EEFSEC: variants seen among roughly 807,000 people sequenced by gnomAD.
EEFSEC encodes the protein selenocysteine-specific elongation factor.
EEFSEC carries 43 observed loss-of-function variants against 42.1 expected under a neutral mutation model. The observed-to-expected ratio is 1.02, with a 90% confidence interval of 0.80 to 1.32. The LOEUF is 1.32. Among genes scored for constraint, EEFSEC ranks in the 40% most tolerant of loss-of-function variants. The pLI, the probability that EEFSEC is intolerant of heterozygous loss-of-function variation, is 0.00. For synonymous variants in EEFSEC, 354 were observed against 339.1 expected, an observed-to-expected ratio of 1.04 and a Z score of -0.48; for missense variants, 745 against 803.6, an observed-to-expected ratio of 0.93 and a Z score of 0.88.
intron 1 of EEFSEC, among the ~76,000 whole-genome samples, chr3:128,213,434 C>T (rs1405155700): frequency 6.6e-6 from 1 of 152,192 alleles, no homozygotes; most frequent in Non-Finnish European, 1.5e-5. Context: ...CTTGTCTGTA[C>T]CTGAAGAATT....
At chr3:128,246,228 ACG>A (rs542173007) in intron 1 of EEFSEC, among the ~76,000 whole-genome samples, 699 of 45,298 alleles carry the variant, frequency 0.015, 4 homozygotes, top group African/African-American at 0.034. Flanking sequence ...ACAAGCGTGC[ACG>A]CACACACACA....
At chr3:128,356,997 C>T (rs749000077) in intron 5 of EEFSEC, among the ~76,000 whole-genome samples, 19 of 152,256 alleles carry the variant, frequency 1.2e-4, no homozygotes, top group Non-Finnish European at 1.0e-4. Flanking sequence ...GACATCTTCT[C>T]CAGCAAGCAC....
chr3:128,294,063 C>T (rs935346068), intron 4 of EEFSEC, among the ~76,000 whole-genome samples: 22 of 152,310 alleles, frequency 1.4e-4, no homozygotes, highest in Admixed American at 5.9e-4. Flanking sequence ...GTGCCCTTGG[C>T]CCCTCAGAGA....
chr3:128,376,499 G>A (rs929581033), intron 6 of EEFSEC, among the ~76,000 whole-genome samples: 1 of 152,184 alleles, frequency 6.6e-6, no homozygotes, highest in African/African-American at 2.4e-5. Context: ...CTGAGGGCTG[G>A]ACTGAGTCTC....
chr3:128,215,000 T>C (rs770335920), intron 1 of EEFSEC, among the ~76,000 whole-genome samples: 35 of 152,152 alleles, frequency 2.3e-4, no homozygotes, highest in Non-Finnish European at 4.3e-4. Context: ...GGTGAGGAGT[T>C]GAATTAGAAG....
At chr3:128,266,058 A>G (rs558519618) in intron 4 of EEFSEC, among the ~76,000 whole-genome samples, 167 of 152,282 alleles carry the variant, frequency 1.1e-3, no homozygotes, top group South Asian at 4.2e-3. Flanking sequence ...CTTGAAGGCC[A>G]TTTGCTGGCA....
At chr3:128,273,629 G>C (rs1576597970) in intron 4 of EEFSEC, among the ~76,000 whole-genome samples, 1 of 152,232 alleles carries the variant, frequency 6.6e-6, no homozygotes, top group African/African-American at 2.4e-5. Context: ...GCAGTCAGCT[G>C]TCCAGGCAGA....
chr3:128,248,463 G>A (rs115720275), intron 2 of EEFSEC, among the ~76,000 whole-genome samples: 90 of 152,260 alleles, frequency 5.9e-4, no homozygotes, highest in African/African-American at 2.1e-3. Flanking sequence ...ATTTTCTAGC[G>A]CTGCCTTTTG....
At chr3:128,411,387 G>A (rs2068172960), downstream of EEFSEC, among the ~76,000 whole-genome samples, 1 of 151,874 alleles carries the variant, frequency 6.6e-6, no homozygotes, top group African/African-American at 2.4e-5. Context: ...GGTTTCCCAG[G>A]GGTGTGGGCA....
intron 4 of EEFSEC, among the ~76,000 whole-genome samples, chr3:128,321,620 C>T (rs1195786820): frequency 1.3e-5 from 2 of 152,146 alleles, no homozygotes; most frequent in Admixed American, 6.5e-5. Context: ...TATGGGCGCC[C>T]GCCTGTCCCT....
rs1472012613 is a variant in EEFSEC at position 128,341,440 on chromosome 3, A to G, written c.994A>G (p.Lys332Glu). Residue 332 changes from lysine (K) to glutamate (E), a missense_variant, in exon 5 of 7, where the codon AAG becomes GAG. Physicochemically the swap from Lys to Glu is moderately conservative, Grantham distance 56. Transcript: ENST00000254730. ...IPYFRGPLQT[K>E]AKFHITVGHE... ...GTATTTCCGGGGGCCCCTGCAAACC[A>G]AGGCCAAGTTCCACATTACAGTGGG... 6.2e-7 allele frequency: 1 copy of G among 1,614,178 alleles called. No homozygotes were observed. The highest frequency in any genetic ancestry group is 2.2e-5 in the East Asian group (1 of 44,878).
At chr3:128,155,593 T>A (rs1189316507) in intron 1 of EEFSEC, among the ~76,000 whole-genome samples, 1 of 152,240 alleles carries the variant, frequency 6.6e-6, no homozygotes, top group African/African-American at 2.4e-5. Flanking sequence ...CCCCAGTACC[T>A]GATTACCTTT....
chr3:128,178,625 T>A (rs540937464), intron 1 of EEFSEC, among the ~76,000 whole-genome samples: 1 of 152,350 alleles, frequency 6.6e-6, no homozygotes, highest in East Asian at 1.9e-4. Context: ...TTAAACTCTT[T>A]TGCTGTTTGC....
intron 5 of EEFSEC, among the ~76,000 whole-genome samples, chr3:128,348,908 A>G (rs937424462): frequency 6.6e-5 from 10 of 152,232 alleles, no homozygotes; most frequent in Non-Finnish European, 1.2e-4. Context: ...ACAGAGACTC[A>G]TGCCTGCATC....
chr3:128,330,463 G>A (rs151292540), intron 4 of EEFSEC, among the ~76,000 whole-genome samples: 34 of 152,314 alleles, frequency 2.2e-4, no homozygotes, highest in African/African-American at 7.2e-4. Flanking sequence ...GGCACACACT[G>A]GACAGATGCT....
At chr3:128,413,430 G>A (rs905002116), downstream of EEFSEC, among the ~76,000 whole-genome samples, 5 of 152,136 alleles carry the variant, frequency 3.3e-5, no homozygotes, top group Admixed American at 2.0e-4. Flanking sequence ...CACTGGGAGG[G>A]ACAGCATGGA....
At chr3:128,398,123 C>G (rs989251708) in intron 6 of EEFSEC, among the ~76,000 whole-genome samples, 2 of 152,208 alleles carry the variant, frequency 1.3e-5, no homozygotes, top group Non-Finnish European at 2.9e-5. Context: ...CCAATACTGC[C>G]CCTTCCTGGC....
the EEFSEC span, among the ~76,000 whole-genome samples, chr3:128,414,779 G>A: frequency 6.7e-3 from 1,016 of 152,346 alleles, 12 homozygotes; most frequent in African/African-American, 0.023. Flanking sequence ...CATGTCTGGA[G>A]GCCGACAGGG....
intron 4 of EEFSEC, among the ~76,000 whole-genome samples, chr3:128,273,332 G>A (rs1446672416): frequency 6.6e-6 from 1 of 152,160 alleles, no homozygotes; most frequent in Non-Finnish European, 1.5e-5. Context: ...CAGTCGCCAG[G>A]CAAAGATGGA....
Sources: allele counts gnomAD v4.1 joint callset (sites outside exome capture counted in the v4.1 genomes callset), GRCh38; gene constraint gnomAD v4.1.1; transcripts MANE v1.5; gene names NCBI Gene and HGNC (gene_info 2026-07-23, HGNC 2026-07-21).